Variants in GPC6 observed in about 807,000 individuals in gnomAD.
The protein encoded by GPC6 is glypican-6.
GPC6 carries 14 observed loss-of-function variants against 55.2 expected under a neutral mutation model. The observed-to-expected ratio is 0.25, with a 90% CI of 0.17 to 0.40. The LOEUF is 0.40. GPC6 is among the 10% of genes least tolerant of loss of function. The pLI is 1.00. For missense variants in GPC6, 641 were observed against 708.5 expected, an observed-to-expected ratio of 0.90 and a Z score of 1.08; for synonymous variants, 278 against 259.6, an observed-to-expected ratio of 1.07 and a Z score of -0.68.
At chr13:93,710,291 G>T (rs1394307877) in intron 2 of GPC6, among the ~76,000 whole-genome samples, 1 of 151,822 alleles carries the variant, frequency 6.6e-6, no homozygotes, top group African/African-American at 2.4e-5. Flanking sequence ...TACTATTAAA[G>T]ATAGTATGCA....
At chr13:94,341,981 T>C (rs1335421557) in intron 6 of GPC6, among the ~76,000 whole-genome samples, 2 of 152,210 alleles carry the variant, frequency 1.3e-5, no homozygotes, top group Non-Finnish European at 2.9e-5. Flanking sequence ...AGGTGTACCA[T>C]AAAACAGTGT....
chr13:94,352,637 A>C (rs902155020), intron 6 of GPC6, among the ~76,000 whole-genome samples: 1 of 152,142 alleles, frequency 6.6e-6, no homozygotes, highest in African/African-American at 2.4e-5. Context: ...TTAGGGTGGT[A>C]ACTTTGCTCC....
chr13:94,081,285 C>T (rs1323318783), intron 4 of GPC6, among the ~76,000 whole-genome samples: 2 of 152,162 alleles, frequency 1.3e-5, no homozygotes, highest in African/African-American at 4.8e-5. Context: ...AGTATTACTA[C>T]CACCATTTAA....
chr13:93,993,748 A>G (rs1249233999), intron 3 of GPC6, among the ~76,000 whole-genome samples: 1 of 152,206 alleles, frequency 6.6e-6, no homozygotes, highest in Non-Finnish European at 1.5e-5. Context: ...ATTTAGTTGG[A>G]CACGTATTTC....
At chr13:93,440,953 T>C (rs1252789102) in intron 1 of GPC6, among the ~76,000 whole-genome samples, 2 of 152,144 alleles carry the variant, frequency 1.3e-5, no homozygotes, top group Non-Finnish European at 2.9e-5. Flanking sequence ...TATTTGGTTT[T>C]TTGTCCTTGT....
At chr13:94,342,407 A>T (rs1024152858) in intron 6 of GPC6, among the ~76,000 whole-genome samples, 4 of 152,182 alleles carry the variant, frequency 2.6e-5, no homozygotes, top group African/African-American at 9.7e-5. Context: ...GAGGAGGCAC[A>T]TACAGAGGAA....
upstream of GPC6, among the ~76,000 whole-genome samples, chr13:93,222,119 T>C (rs1875642792): frequency 6.6e-6 from 1 of 152,216 alleles, no homozygotes. Flanking sequence ...ATTGTTTTAC[T>C]TACATGAGAT....
intron 2 of GPC6, among the ~76,000 whole-genome samples, chr13:93,615,681 T>C (rs10219908): frequency 0.11 from 16,741 of 152,162 alleles, 2,950 homozygotes; most frequent in African/African-American, 0.37. Context: ...GACCTCAATC[T>C]ACCCATTTAC....
At chr13:94,321,057 G>A (rs7324370) in intron 6 of GPC6, among the ~76,000 whole-genome samples, 15,591 of 152,054 alleles carry the variant, frequency 0.1, 1,975 homozygotes, top group African/African-American at 0.3. Context: ...TTCTATCTTC[G>A]CCTTCCTCCA....
At position 93,227,858 on chromosome 13, in the gene GPC6, C is replaced by T. The variant is rs1464896377; in HGVS notation, c.160+242C>T. ...GCGGGAGCACCCTGGCTCCCGCCTC[C>T]CGCTGCTCTCGCGCCCTTCTACCCC... On this transcript the variant is annotated intron_variant, in intron 1 of 8. Coordinates refer to ENST00000377047, the MANE Select transcript of GPC6 (RefSeq NM_005708.5). This position sits in a 1 kb window ranked among gnomAD's most constrained non-coding sequence, Gnocchi z 4.3. Among the ~76,000 whole-genome samples the T allele has an allele frequency of 2.0e-5, 3 of 152,138 alleles. No individual in the cohort carries two copies. The highest frequency in any genetic ancestry group is 4.4e-5 in the Non-Finnish European group (3 of 68,000).
chr13:93,700,035 A>T lies in GPC6; in HGVS notation c.320-130119A>T, dbSNP rs1164690579. ...AGTTTACAACATCAATCCTCTTAAA[A>T]ATCAAAGGAAAGACAAAAGGAAATA... On this transcript the variant is annotated intron_variant, in intron 2 of 8. Coordinates refer to ENST00000377047, the MANE Select transcript of GPC6 (RefSeq NM_005708.5). 2.0e-5 allele frequency among the ~76,000 whole-genome samples: 3 copies of T among 152,212 alleles called. No individual in the cohort carries two copies. The East Asian group carries it at 5.8e-4, about 29-fold the overall frequency.
intron 1 of GPC6, among the ~76,000 whole-genome samples, chr13:93,539,437 A>G (rs1321001489): frequency 6.6e-6 from 1 of 152,172 alleles, no homozygotes; most frequent in Non-Finnish European, 1.5e-5. Flanking sequence ...ATGGAGAACC[A>G]TGTCTCAGTA....
intron 3 of GPC6, among the ~76,000 whole-genome samples, chr13:94,020,322 C>T (rs555567680): frequency 2.5e-4 from 38 of 152,310 alleles, no homozygotes; most frequent in South Asian, 6.2e-4. Flanking sequence ...TTTCTAGCTT[C>T]ATTCCTTTGT....
chr13:94,041,048 A>G (rs1883514511), intron 4 of GPC6, among the ~76,000 whole-genome samples: 1 of 151,886 alleles, frequency 6.6e-6, no homozygotes, highest in Non-Finnish European at 1.5e-5. Flanking sequence ...TGTGATCACT[A>G]GACATCAGAT....
At chr13:93,993,594 A>G (rs1297756939) in intron 3 of GPC6, among the ~76,000 whole-genome samples, 1 of 151,676 alleles carries the variant, frequency 6.6e-6, no homozygotes, top group Non-Finnish European at 1.5e-5. Context: ...GTGCACCCAG[A>G]CTCTTATTTT....
At chr13:93,367,679 C>A (rs940980202) in intron 1 of GPC6, among the ~76,000 whole-genome samples, 2 of 152,048 alleles carry the variant, frequency 1.3e-5, no homozygotes, top group African/African-American at 4.8e-5. Flanking sequence ...AACTAACTGC[C>A]TCTTTGACCC....
chr13:93,930,263 TGGAAACGAAAGG>T (rs1566608659), intron 3 of GPC6, among the ~76,000 whole-genome samples: 1,771 of 139,084 alleles, frequency 0.013, 67 homozygotes, highest in African/African-American at 0.047. Flanking sequence ...TAAAGGTTAT[TGGAAACGAAAGG>T]TTTTTTTTTT....
At chr13:93,520,833 A>ATAGACAAACTATG (rs1881390473) in intron 1 of GPC6, among the ~76,000 whole-genome samples, 1 of 150,098 alleles carries the variant, frequency 6.7e-6, no homozygotes, top group Non-Finnish European at 1.5e-5. Flanking sequence ...GACAAACTAT[A>ATAGACAAACTATG]TATACTTATA....
chr13:93,473,227 C>A (rs776145988), intron 1 of GPC6, among the ~76,000 whole-genome samples: 1 of 152,210 alleles, frequency 6.6e-6, no homozygotes, highest in East Asian at 1.9e-4. Context: ...TCCATGGGCC[C>A]AGGCTGCTCT....
Sources: gnomAD v4.1 joint callset for allele counts (sites outside exome capture counted in the v4.1 genomes callset) on GRCh38, gnomAD v4.1.1 for gene constraint, Gnocchi (gnomAD v3.1) non-coding constraint, MANE v1.5 for transcripts, NCBI Gene and HGNC (gene_info 2026-07-23, HGNC 2026-07-21) for gene names.